ADARB1: variants seen among roughly 807,000 people sequenced by gnomAD.
The protein encoded by ADARB1 is adenosine deaminase RNA specific B1, also known as double-stranded RNA-specific editase 1.
ADARB1 carries 10 observed loss-of-function variants against 52.4 expected under a neutral mutation model. The observed-to-expected ratio is 0.19, with a 90% CI of 0.12 to 0.32. ADARB1 has a LOEUF of 0.32. Among genes scored for constraint, ADARB1 ranks in the 10% least tolerant of loss-of-function variants. The pLI is 1.00. For synonymous variants in ADARB1, 349 were observed against 371.1 expected (o/e 0.94, Z 0.68); for missense variants, 643 against 922.3 (o/e 0.70, Z 3.92).
At chr21:45,219,788 G>A (rs536906840) in intron 9 of ADARB1, among the ~76,000 whole-genome samples, 3 of 152,272 alleles carry the variant, frequency 2.0e-5, no homozygotes, top group Non-Finnish European at 2.9e-5. Flanking sequence ...GGTCTCTGGC[G>A]AAGCTTCCCC....
At chr21:45,089,283 T>A (rs547068973) in intron 1 of ADARB1, among the ~76,000 whole-genome samples, 81 of 152,338 alleles carry the variant, frequency 5.3e-4, no homozygotes, top group Non-Finnish European at 8.7e-4. Context: ...TTATCTGTAC[T>A]ATTTTTCAGC....
At chr21:45,116,745 AACTC>A (rs930936407) in intron 1 of ADARB1, among the ~76,000 whole-genome samples, 25 of 152,302 alleles carry the variant, frequency 1.6e-4, no homozygotes, top group African/African-American at 4.3e-4. Flanking sequence ...ATCCCGTGAG[AACTC>A]ACTCACTATC....
At chr21:45,181,935 C>T (rs2091946296) in intron 5 of ADARB1, among the ~76,000 whole-genome samples, 2 of 152,208 alleles carry the variant, frequency 1.3e-5, no homozygotes, top group Non-Finnish European at 2.9e-5. Context: ...GTGTGCACAC[C>T]ATTGGTTCAG....
At chr21:45,203,736 C>T (rs1849334238) in intron 8 of ADARB1, among the ~76,000 whole-genome samples, 1 of 152,210 alleles carries the variant, frequency 6.6e-6, no homozygotes, top group South Asian at 2.1e-4. Context: ...TTGTCACTTG[C>T]AGAGAACAGG....
At chr21:45,191,678 T>C (rs1212433063) in intron 8 of ADARB1, among the ~76,000 whole-genome samples, 1 of 151,774 alleles carries the variant, frequency 6.6e-6, no homozygotes, top group African/African-American at 2.4e-5. Flanking sequence ...GGATTTTTGT[T>C]TATAAGTTAA....
rs199774635 is a variant in ADARB1 at position 45,077,437 on chromosome 21, G to A, written c.-220+2644G>A. On this transcript the variant is annotated intron_variant, in intron 1 of 10. Transcript: ENST00000348831. Reference sequence around the variant, plus strand: ...TCCCAGCACTTTGGGAGGCCGAGGCGGGTAGATCACGAGGTCAGGAGATCG... The same window carrying A: ...TCCCAGCACTTTGGGAGGCCGAGGCAGGTAGATCACGAGGTCAGGAGATCG... Among the ~76,000 whole-genome samples, 33 of 152,198 alleles carry A rather than the reference G, an allele frequency of 2.2e-4. No individual in the cohort carries two copies. In the East Asian group the frequency reaches 6.4e-3, roughly 29 times the overall value.
chr21:45,183,025 C>G (rs1003815239), intron 6 of ADARB1, among the ~76,000 whole-genome samples: 2 of 152,158 alleles, frequency 1.3e-5, no homozygotes, highest in Admixed American at 6.5e-5. Flanking sequence ...TAGAAGTTCC[C>G]AAACTGCCAG....
At position 45,224,142 on chromosome 21, in the gene ADARB1, A is replaced by G; in HGVS notation, c.*1945A>G. On this transcript the variant is annotated 3_prime_UTR_variant, in exon 11 of 11. Transcript: ENST00000348831. ...CTGTGCATTTTTATTGTCTTGATAA[A>G]TTGTATTTTTTTCTAATGGGGATTG... The G allele has an allele frequency of 1.0e-6, 1 of 985,454 alleles. No homozygotes were observed. Among genetic ancestry groups the G allele is most frequent in the Non-Finnish European group, 1.2e-6 (1 of 829,954 alleles). The allele number at this position is 985,454 out of a possible 1,614,324, so 61.0% of individuals were successfully genotyped here.
At chr21:45,199,918 C>T (rs2092512981) in intron 8 of ADARB1, among the ~76,000 whole-genome samples, 1 of 152,116 alleles carries the variant, frequency 6.6e-6, no homozygotes, top group South Asian at 2.1e-4. Flanking sequence ...TGGACCTGAA[C>T]CCTTCAGATC....
At chr21:45,098,241 C>T (rs1460788971) in intron 1 of ADARB1, among the ~76,000 whole-genome samples, 3 of 151,668 alleles carry the variant, frequency 2.0e-5, no homozygotes, top group African/African-American at 4.9e-5. Flanking sequence ...CCTCACCCCA[C>T]GGCTGTGCTT....
intron 1 of ADARB1, among the ~76,000 whole-genome samples, chr21:45,075,514 G>A (rs906560058): frequency 1.3e-5 from 2 of 152,260 alleles, no homozygotes; most frequent in African/African-American, 4.8e-5. Flanking sequence ...CGGGCGGCCC[G>A]GGCCAGGGAA....
At chr21:45,075,050 G>A (rs1423125571) in intron 1 of ADARB1, among the ~76,000 whole-genome samples, 2 of 151,216 alleles carry the variant, frequency 1.3e-5, no homozygotes, top group South Asian at 4.2e-4. Flanking sequence ...CCCTCCCGAG[G>A]GCGCCGAGTC....
At chr21:45,130,601 A>G (rs576731149) in intron 2 of ADARB1, among the ~76,000 whole-genome samples, 8 of 152,356 alleles carry the variant, frequency 5.3e-5, no homozygotes, top group East Asian at 3.9e-4. Context: ...ATAAATAAAC[A>G]TGAAAGATTT....
At chr21:45,112,334 A>G (rs1467200875) in intron 1 of ADARB1, among the ~76,000 whole-genome samples, 1 of 152,146 alleles carries the variant, frequency 6.6e-6, no homozygotes, top group African/African-American at 2.4e-5. Flanking sequence ...TATTCGGTGT[A>G]AAGAGGCACA....
rs1452313336 is a variant in ADARB1 at position 45,225,049 on chromosome 21, G to A, written c.*2852G>A. 1 of 980,666 alleles carries A rather than the reference G, an allele frequency of 1.0e-6. No homozygotes were observed. Among genetic ancestry groups the A allele is most frequent in the Non-Finnish European group, 1.2e-6 (1 of 829,396 alleles). 60.7% of individuals were successfully genotyped at this position (980,666 alleles called of 1,614,324 possible). ...TTACATTTTGAGGACATTTTGACAA[G>A]TAGGGGAAGAGAGGGCTTCTGTTGT... On this transcript the variant is annotated 3_prime_UTR_variant, in exon 11 of 11. Transcript: ENST00000348831.
chr21:45,220,528 C>T lies in ADARB1; in HGVS notation c.1748-308C>T, dbSNP rs535501722. On this transcript the variant is annotated intron_variant, in intron 9 of 10. Coordinates refer to ENST00000348831, the MANE Select transcript of ADARB1 (RefSeq NM_001112.4). The surrounding 1 kb of genome is among the most constrained non-coding windows in gnomAD (Gnocchi z 6.3). ...GTCAGTGCCAGAGTGAGAAAAGACA[C>T]ACTTGTCAGGAAGTCTCATGATTTC... Among the ~76,000 whole-genome samples the T allele has an allele frequency of 4.6e-5, 7 of 152,322 alleles. No homozygotes were observed. The South Asian group carries it at 1.4e-3, about 32-fold the overall frequency.
At chr21:45,094,772 T>C (rs957102170) in intron 1 of ADARB1, among the ~76,000 whole-genome samples, 1 of 151,928 alleles carries the variant, frequency 6.6e-6, no homozygotes, top group Admixed American at 6.6e-5. Flanking sequence ...CTTGCTTTCA[T>C]GGAAATTTCT....
intron 2 of ADARB1, among the ~76,000 whole-genome samples, chr21:45,140,345 G>T (rs925391491): frequency 6.6e-6 from 1 of 152,168 alleles, no homozygotes; most frequent in Non-Finnish European, 1.5e-5. Flanking sequence ...ACCCATCAGG[G>T]CCCAGGGCGA....
intron 1 of ADARB1, among the ~76,000 whole-genome samples, chr21:45,120,599 C>A (rs948392427): frequency 6.6e-6 from 1 of 152,188 alleles, no homozygotes; most frequent in African/African-American, 2.4e-5. Context: ...ATCACGGACA[C>A]ACTAGGACCC....
Sources: allele counts gnomAD v4.1 joint callset (sites outside exome capture counted in the v4.1 genomes callset), GRCh38; gene constraint gnomAD v4.1.1; non-coding constraint Gnocchi (gnomAD v3.1); transcripts MANE v1.5; gene names NCBI Gene and HGNC (gene_info 2026-07-23, HGNC 2026-07-21).